Variants in SLC17A1 observed in about 807,000 individuals in gnomAD.
SLC17A1 encodes the protein solute carrier family 17 member 1.
A neutral mutation model predicts 53.5 loss-of-function variants in SLC17A1; 51 were observed. That is an observed-to-expected ratio of 0.95 (90% confidence interval 0.76 to 1.20). SLC17A1 has a LOEUF of 1.20. SLC17A1 is among the 50% of genes most tolerant of loss of function. The pLI is 0.00. For missense variants in SLC17A1, 538 were observed against 568.2 expected (o/e 0.95, Z 0.54); for synonymous variants, 179 against 198.8 (o/e 0.90, Z 0.84).
chr6:25,787,326 T>TAA (rs59569607), intron 12 of SLC17A1, among the ~76,000 whole-genome samples: 3 of 147,130 alleles, frequency 2.0e-5, no homozygotes, highest in African/African-American at 7.5e-5. Flanking sequence ...ATCTCTACTT[T>TAA]AAAAAAAAAA....
the SLC17A1 span, chr6:25,732,033 T>C: frequency 6.9e-7 from 1 of 1,444,006 alleles, no homozygotes. Flanking sequence ...CTTCAGCAGC[T>C]TGTAGATGTA....
At chr6:25,765,149 G>C in the SLC17A1 span, among the ~76,000 whole-genome samples, 1 of 151,966 alleles carries the variant, frequency 6.6e-6, no homozygotes, top group Non-Finnish European at 1.5e-5. Context: ...AGGAACCTAC[G>C]TAAATATGTT....
the SLC17A1 span, chr6:25,773,661 C>T: frequency 6.2e-7 from 1 of 1,613,240 alleles, no homozygotes; most frequent in Non-Finnish European, 8.5e-7. Context: ...GTACTTCAAG[C>T]CAACCTCAGA....
At chr6:25,793,312 T>C (rs532607444) in intron 12 of SLC17A1, among the ~76,000 whole-genome samples, 2 of 152,150 alleles carry the variant, frequency 1.3e-5, no homozygotes, top group Non-Finnish European at 2.9e-5. Context: ...AAGAAATACA[T>C]TTAAGCACTT....
the SLC17A1 span, chr6:25,768,371 T>G: frequency 1.0e-6 from 1 of 985,800 alleles, no homozygotes; most frequent in Admixed American, 6.1e-5. Context: ...GTTGTCAAAC[T>G]AATGTATATG....
the SLC17A1 span, among the ~76,000 whole-genome samples, chr6:25,764,595 C>A: frequency 6.6e-6 from 1 of 152,210 alleles, no homozygotes; most frequent in South Asian, 2.1e-4. Flanking sequence ...AAACTCCCAT[C>A]CTTGAGGCAG....
chr6:25,735,013 G>C, the SLC17A1 span, among the ~76,000 whole-genome samples: 49 of 152,190 alleles, frequency 3.2e-4, no homozygotes, highest in African/African-American at 1.2e-3. Context: ...TTCAGAAAAG[G>C]AGCTGTGATC....
chr6:25,811,061 T>C (rs557445932), intron 10 of SLC17A1, among the ~76,000 whole-genome samples: 53 of 152,218 alleles, frequency 3.5e-4, no homozygotes, highest in African/African-American at 1.3e-3. Flanking sequence ...GACTTAGAAT[T>C]AGAGTAGAAT....
chr6:25,802,932 CTTCTTT>C (rs1763825368), intron 10 of SLC17A1, among the ~76,000 whole-genome samples: 1 of 91,162 alleles, frequency 1.1e-5, no homozygotes, highest in Non-Finnish European at 2.1e-5. Context: ...CGACTATCTT[CTTCTTT>C]TTTTTTTTTT....
chr6:25,776,864 C>A, the SLC17A1 span: 1 of 1,613,952 alleles, frequency 6.2e-7, no homozygotes, highest in Non-Finnish European at 8.5e-7. Flanking sequence ...TCAGATCCAG[C>A]CACAGCATGA....
the SLC17A1 span, chr6:25,777,908 A>G: frequency 1.9e-6 from 3 of 1,597,266 alleles, no homozygotes; most frequent in East Asian, 2.2e-5. Flanking sequence ...ATAATAGAGT[A>G]CCATCTCTCT....
At chr6:25,762,001 C>T in the SLC17A1 span, 4 of 1,613,166 alleles carry the variant, frequency 2.5e-6, no homozygotes, top group African/African-American at 5.3e-5. Flanking sequence ...CAGTGGGGGA[C>T]ATTTCCAGTG....
At chr6:25,782,392 T>C (rs941989646), downstream of SLC17A1, among the ~76,000 whole-genome samples, 1 of 152,134 alleles carries the variant, frequency 6.6e-6, no homozygotes, top group African/African-American at 2.4e-5. Flanking sequence ...ATACATTATT[T>C]TGTAGCATCT....
chr6:25,800,802 G>A (rs1004871394), intron 11 of SLC17A1, 88 bp downstream of exon 11: 2 of 807,202 alleles, frequency 2.5e-6, no homozygotes, highest in Non-Finnish European at 4.1e-6. Flanking sequence ...ATCTCCTTCT[G>A]GCATCTTCTC....
chr6:25,745,246 A>G, the SLC17A1 span, among the ~76,000 whole-genome samples: 1 of 152,168 alleles, frequency 6.6e-6, no homozygotes, highest in Non-Finnish European at 1.5e-5. Context: ...CTTAAAATTT[A>G]TTTCTCAAAT....
intron 8 of SLC17A1, among the ~76,000 whole-genome samples, chr6:25,812,570 T>C (rs1321334533): frequency 6.6e-6 from 1 of 152,156 alleles, no homozygotes; most frequent in Non-Finnish European, 1.5e-5. Flanking sequence ...GGGAGTCACA[T>C]AGTCAATGGG....
intron 3 of SLC17A1, among the ~76,000 whole-genome samples, chr6:25,824,625 G>A (rs892705474): frequency 9.2e-5 from 14 of 151,618 alleles, no homozygotes; most frequent in Non-Finnish European, 1.5e-4. Flanking sequence ...GTTATTTGGA[G>A]GTAGATTTGT....
chr6:25,753,054 T>G, the SLC17A1 span, among the ~76,000 whole-genome samples: 16 of 152,334 alleles, frequency 1.1e-4, no homozygotes, highest in South Asian at 3.3e-3. Context: ...AAAAAAGATT[T>G]ATTAAAACTA....
intron 6 of SLC17A1, 145 bp from the exon 7 acceptor site, chr6:25,813,358 GTCC>G: frequency 1.5e-6 from 1 of 684,270 alleles, no homozygotes; most frequent in Non-Finnish European, 2.5e-6. Flanking sequence ...GTGTTTTTCA[GTCC>G]TCCTTTTATC....
Sources: allele counts gnomAD v4.1 joint callset (sites outside exome capture counted in the v4.1 genomes callset), GRCh38; gene constraint gnomAD v4.1.1; transcripts MANE v1.5; gene names NCBI Gene and HGNC (gene_info 2026-07-23, HGNC 2026-07-21).